Variants in PIAS1 observed in about 807,000 individuals in gnomAD.
PIAS1 encodes the protein protein inhibitor of activated STAT 1.
In PIAS1, 6 loss-of-function variants were observed where a neutral mutation model predicts 71.3. The ratio of observed to expected loss-of-function variants is 0.08; its 90% CI spans 0.05 to 0.17. The LOEUF is 0.17. PIAS1 is among the 10% of genes least tolerant of loss of function. PIAS1 has a pLI of 1.00. For synonymous variants in PIAS1, 303 were observed against 292.9 expected, an observed-to-expected ratio of 1.03 and a Z score of -0.35; for missense variants, 555 against 793.6, an observed-to-expected ratio of 0.70 and a Z score of 3.61.
In PIAS1 at chr15:68,142,353, T is replaced by C. The variant is rs1347183708; in HGVS notation, c.602+16T>C. ...TCCAGTTAAGGTACAGTGCTGACTA[T>C]AGGATATATTCAAAGTTTAAAAGAT... is the stretch of plus-strand genomic sequence containing the variant. On this transcript the variant is annotated intron_variant, in intron 4 of 13. Transcript: ENST00000249636. 8.3e-6 allele frequency: 13 copies of C among 1,565,186 alleles called. No homozygotes were observed. Among genetic ancestry groups the C allele is most frequent in the Non-Finnish European group, 1.1e-5 (13 of 1,136,424 alleles).
At chr15:68,142,487 A>G in intron 4 of PIAS1, 150 bp downstream of exon 4, 1 of 560,430 alleles carries the variant, frequency 1.8e-6, no homozygotes, top group Non-Finnish European at 3.1e-6. Context: ...ATGGAAAAAA[A>G]ATTTTAAGGA....
intron 6 of PIAS1, among the ~76,000 whole-genome samples, chr15:68,149,400 G>A (rs1432616547): frequency 7.0e-6 from 1 of 142,698 alleles, no homozygotes; most frequent in East Asian, 2.0e-4. Flanking sequence ...TCTTTTCCTC[G>A]CTCCTGTACC....
At chr15:68,168,599 G>A (rs1338716405) in intron 8 of PIAS1, among the ~76,000 whole-genome samples, 2 of 152,114 alleles carry the variant, frequency 1.3e-5, no homozygotes, top group Admixed American at 6.5e-5. Flanking sequence ...GACGTTCAAA[G>A]CTCAGCTTCT....
At chr15:68,179,564 C>CTTGTTTTTTTTTTTT (rs2093040106) in intron 11 of PIAS1, among the ~76,000 whole-genome samples, 1 of 40,094 alleles carries the variant, frequency 2.5e-5, no homozygotes, top group East Asian at 1.0e-3. Context: ...GTGAAATGTT[C>CTTGTTTTTTTTTTTT]TTTTTTTTTT....
At chr15:68,130,538 G>C (rs1286844458) in intron 2 of PIAS1, among the ~76,000 whole-genome samples, 2 of 151,726 alleles carry the variant, frequency 1.3e-5, no homozygotes, top group Non-Finnish European at 2.9e-5. Flanking sequence ...CTCTGGGTTT[G>C]ATACATTTGC....
intron 2 of PIAS1, among the ~76,000 whole-genome samples, chr15:68,093,790 T>C (rs957865544): frequency 1.3e-5 from 2 of 152,214 alleles, no homozygotes; most frequent in African/African-American, 4.8e-5. Context: ...ATAATGAGTA[T>C]AAAAATGAAA....
At chr15:68,082,321 TA>T (rs2092236622) in intron 1 of PIAS1, among the ~76,000 whole-genome samples, 1 of 152,050 alleles carries the variant, frequency 6.6e-6, no homozygotes, top group South Asian at 2.1e-4. Context: ...ATTCCTGGGA[TA>T]AGCTAAAGGG....
chr15:68,088,521 A>G (rs957818260), intron 2 of PIAS1, among the ~76,000 whole-genome samples: 1 of 152,088 alleles, frequency 6.6e-6, no homozygotes, highest in African/African-American at 2.4e-5. Context: ...CACCAAATGA[A>G]TAGGTGGTAT....
intron 8 of PIAS1, 50 bp downstream of exon 8, chr15:68,164,854 T>C (rs1204612570): frequency 1.0e-6 from 1 of 963,820 alleles, no homozygotes; most frequent in Non-Finnish European, 1.6e-6. Context: ...ATACATTTTC[T>C]CTTTTTATTA....
intron 2 of PIAS1, among the ~76,000 whole-genome samples, chr15:68,092,963 G>A (rs1312363200): frequency 6.6e-6 from 1 of 152,170 alleles, no homozygotes; most frequent in Non-Finnish European, 1.5e-5. Context: ...TTGATAAAAA[G>A]TGATACATAA....
At position 68,086,144 on chromosome 15, in the gene PIAS1, G is replaced by A. The variant is rs562534725; in HGVS notation, c.25-162G>A. 1.2e-3 allele frequency among the ~76,000 whole-genome samples: 182 copies of A among 152,234 alleles called. No homozygotes were observed. The highest frequency in any genetic ancestry group is 2.3e-3 in the Non-Finnish European group (159 of 68,016). On this transcript the variant is annotated intron_variant, in intron 1 of 13. Coordinates refer to ENST00000249636, the MANE Select transcript of PIAS1 (RefSeq NM_016166.3). This position sits in a 1 kb window ranked among gnomAD's most constrained non-coding sequence, Gnocchi z 7.2. ...TTTTAAATTTCTTTGGTTACTTAAC[G>A]TTAAATGATTAAATTTGAAGTTTGA...
At position 68,189,609 on chromosome 15, in the gene PIAS1, GA is replaced by G. The variant is rs375266651; in HGVS notation, c.*1784del. ...ACTAAATTGTTGACTTGAATTTTGG[GA>G]AAAAAAAAAGTTGGTGTTGATATGT... On this transcript the variant is annotated 3_prime_UTR_variant, in exon 14 of 14. Transcript: ENST00000249636. 0.015 allele frequency: 2,208 copies of G among 148,582 alleles called. 61 individuals are homozygous for G. The highest frequency in any genetic ancestry group is 0.05 in the African/African-American group (2,044 of 40,698). The allele number at this position is 148,582 out of a possible 1,614,324, so 9.2% of individuals were successfully genotyped here.
At chr15:68,081,639 T>C (rs1194002288) in intron 1 of PIAS1, among the ~76,000 whole-genome samples, 1 of 152,102 alleles carries the variant, frequency 6.6e-6, no homozygotes, top group Admixed American at 6.6e-5. Flanking sequence ...ATTAAAAATT[T>C]AATGTAAGCG....
At chr15:68,096,437 A>ATTT (rs569315460) in intron 2 of PIAS1, among the ~76,000 whole-genome samples, 6 of 142,914 alleles carry the variant, frequency 4.2e-5, no homozygotes, top group Non-Finnish European at 6.2e-5. Context: ...CAACTTTAGG[A>ATTT]TTTTTTTTTT....
intron 1 of PIAS1, among the ~76,000 whole-genome samples, chr15:68,071,194 C>T (rs1286916942): frequency 6.8e-6 from 1 of 147,666 alleles, no homozygotes; most frequent in Non-Finnish European, 1.5e-5. Flanking sequence ...TAATGACCTT[C>T]TTTTCACCCC....
intron 1 of PIAS1, among the ~76,000 whole-genome samples, chr15:68,075,164 A>C (rs1398407859): frequency 7.2e-6 from 1 of 138,870 alleles, no homozygotes; most frequent in Admixed American, 8.2e-5. Flanking sequence ...GGCTCACTGC[A>C]ACCTCCGCCC....
chr15:68,054,657 C>A lies in PIAS1; in HGVS notation c.24+307C>A. The A allele has an allele frequency of 3.4e-6, 1 of 290,444 alleles. No individual in the cohort carries two copies. Among genetic ancestry groups the A allele is most frequent in the Admixed American group, 5.3e-5 (1 of 19,032 alleles). The allele number at this position is 290,444 out of a possible 1,614,324, so 18.0% of individuals were successfully genotyped here. ...AGGGGCTGCAGCTGTCTCATGGGCT[C>A]GGCTTTTTCACCTTCCAGTTAGCCT... On this transcript the variant is annotated intron_variant, in intron 1 of 13. Coordinates refer to ENST00000249636, the MANE Select transcript of PIAS1 (RefSeq NM_016166.3). The surrounding 1 kb of genome is among the most constrained non-coding windows in gnomAD (Gnocchi z 4.6).
In PIAS1 at chr15:68,090,297, G is replaced by C. The variant is rs182707488; in HGVS notation, c.469+3547G>C. On this transcript the variant is annotated intron_variant, in intron 2 of 13. Transcript: ENST00000249636. The stretch of plus-strand genomic sequence containing the variant: ...GGTTTGCTGTGGCCTTAACCTCCCT[G>C]GCTCATGCAATTTTCCCAACTCAGC... Among the ~76,000 whole-genome samples, 394 of 151,908 alleles carry C rather than the reference G, an allele frequency of 2.6e-3. 2 individuals carry two copies. Among genetic ancestry groups the C allele is most frequent in the African/African-American group, 9.3e-3 (384 of 41,420 alleles).
At chr15:68,073,079 A>G (rs779936282) in intron 1 of PIAS1, among the ~76,000 whole-genome samples, 4 of 152,026 alleles carry the variant, frequency 2.6e-5, no homozygotes, top group Non-Finnish European at 5.9e-5. Flanking sequence ...GCAGTGGCGC[A>G]ATCTCGGCCC....
Sources: allele counts gnomAD v4.1 joint callset (sites outside exome capture counted in the v4.1 genomes callset), GRCh38; gene constraint gnomAD v4.1.1; non-coding constraint Gnocchi (gnomAD v3.1); transcripts MANE v1.5; gene names NCBI Gene and HGNC (gene_info 2026-07-23, HGNC 2026-07-21).